The following DOCK4 variants were observed in gnomAD, a reference collection of about 807,000 sequenced individuals.
DOCK4 encodes the protein dedicator of cytokinesis protein 4.
Under a neutral mutation model 268.1 loss-of-function variants are expected in DOCK4, and 97 were observed. That is an observed-to-expected ratio of 0.36 (90% CI 0.31 to 0.43). The LOEUF is 0.43. DOCK4 is among the 20% of genes least tolerant of loss of function. The pLI, the probability that DOCK4 is intolerant of heterozygous loss-of-function variation, is 1.00. For missense variants in DOCK4, 2,145 were observed against 2,455.7 expected, an observed-to-expected ratio of 0.87 and a Z score of 2.67; for synonymous variants, 954 against 887.2, an observed-to-expected ratio of 1.08 and a Z score of -1.34.
At chr7:112,168,372 T>C (rs1817785257) in intron 1 of DOCK4, among the ~76,000 whole-genome samples, 1 of 152,196 alleles carries the variant, frequency 6.6e-6, no homozygotes, top group African/African-American at 2.4e-5. Context: ...AGTCTCAAAG[T>C]CACTCCTTTT....
intron 2 of DOCK4, among the ~76,000 whole-genome samples, chr7:112,000,773 T>C (rs1432329519): frequency 6.6e-6 from 1 of 152,136 alleles, no homozygotes; most frequent in African/African-American, 2.4e-5. Flanking sequence ...AACAGAAAAA[T>C]ACATAATGTG....
chr7:111,861,693 C>T (rs1482966854), intron 23 of DOCK4, among the ~76,000 whole-genome samples: 1 of 148,006 alleles, frequency 6.8e-6, no homozygotes, highest in African/African-American at 2.5e-5. Flanking sequence ...TTGCAGTGAG[C>T]TAAGATCATG....
chr7:112,056,078 A>T (rs1805789702), intron 1 of DOCK4, among the ~76,000 whole-genome samples: 1 of 152,158 alleles, frequency 6.6e-6, no homozygotes, highest in African/African-American at 2.4e-5. Context: ...GTGCTTTGCA[A>T]GCCTTGATAG....
At chr7:112,030,900 C>T (rs1021968780) in intron 1 of DOCK4, among the ~76,000 whole-genome samples, 9 of 152,208 alleles carry the variant, frequency 5.9e-5, no homozygotes, top group African/African-American at 2.2e-4. Flanking sequence ...CAATCTATGG[C>T]AAATACTCAG....
intron 12 of DOCK4, among the ~76,000 whole-genome samples, chr7:111,933,215 T>A (rs1382692491): frequency 6.9e-6 from 1 of 145,204 alleles, no homozygotes; most frequent in Non-Finnish European, 1.5e-5. Context: ...TATATACACA[T>A]ATATACGTAT....
At chr7:112,075,303 G>C (rs1042173484) in intron 1 of DOCK4, among the ~76,000 whole-genome samples, 1 of 152,156 alleles carries the variant, frequency 6.6e-6, no homozygotes, top group African/African-American at 2.4e-5. Context: ...CAAGACTGGA[G>C]GAGGGACTTT....
At chr7:111,883,533 C>G (rs529958589) in intron 16 of DOCK4, among the ~76,000 whole-genome samples, 24 of 152,260 alleles carry the variant, frequency 1.6e-4, no homozygotes, top group East Asian at 7.7e-4. Context: ...CTCTCCTCCC[C>G]CTAACTGCCT....
At chr7:111,959,950 G>T (rs1586499836) in intron 8 of DOCK4, among the ~76,000 whole-genome samples, 1 of 152,116 alleles carries the variant, frequency 6.6e-6, no homozygotes, top group Non-Finnish European at 1.5e-5. Flanking sequence ...TCTCCCATTG[G>T]TGCGGCCATC....
At position 111,732,036 on chromosome 7, in the gene DOCK4, G is replaced by C. The variant is rs1236936807; in HGVS notation, c.5481+190C>G. 2.6e-5 allele frequency among the ~76,000 whole-genome samples: 4 copies of C among 152,344 alleles called. No homozygotes were observed. The East Asian group carries it at 7.7e-4, about 29-fold the overall frequency. On this transcript the variant is annotated intron_variant, in intron 52 of 52. Transcript: ENST00000428084. Reference sequence around the variant, plus strand: ...TAATAATCGAAAAACAAATGGCTGCGTTTGTGCAGGAGGCACCCAGAAGGG... The same window carrying C: ...TAATAATCGAAAAACAAATGGCTGCCTTTGTGCAGGAGGCACCCAGAAGGG...
intron 1 of DOCK4, among the ~76,000 whole-genome samples, chr7:112,170,203 C>T (rs1482470337): frequency 1.3e-5 from 2 of 152,032 alleles, no homozygotes; most frequent in African/African-American, 2.4e-5. Flanking sequence ...GTAATCCCAG[C>T]GCTTTGGGAG....
intron 16 of DOCK4, among the ~76,000 whole-genome samples, chr7:111,882,845 G>A (rs1273874013): frequency 1.3e-5 from 2 of 152,114 alleles, no homozygotes; most frequent in Non-Finnish European, 2.9e-5. Flanking sequence ...CTGACCTCAG[G>A]TGATCCGCCT....
chr7:111,739,382 ACTCTGGCACTGAC>A lies in DOCK4; in HGVS notation c.5122+1_5122+13del. 1 of 1,591,986 alleles carries A rather than the reference ACTCTGGCACTGAC, an allele frequency of 6.3e-7. No individual in the cohort carries two copies. Among genetic ancestry groups the A allele is most frequent in the Non-Finnish European group, 8.6e-7 (1 of 1,169,018 alleles). On this transcript the variant is annotated splice_donor_variant and splice_donor_5th_base_variant and intron_variant, in intron 48 of 52. Coordinates refer to ENST00000428084, the MANE Select transcript of DOCK4 (RefSeq NM_001363540.2). LOFTEE classifies it high-confidence loss of function. ...TCTGGGCACCCTCAGTCTTCCCCAC[ACTCTGGCACTGAC>A]CTCTGGCACTCGATGGAGCAGAACT...
intron 52 of DOCK4, among the ~76,000 whole-genome samples, chr7:111,731,454 A>G (rs1795077239): frequency 1.3e-5 from 2 of 152,148 alleles, no homozygotes; most frequent in South Asian, 4.1e-4. Context: ...CATTCTTTCG[A>G]CACACTTCAT....
intron 44 of DOCK4, among the ~76,000 whole-genome samples, chr7:111,743,387 C>G (rs1413043789): frequency 1.3e-5 from 2 of 152,202 alleles, no homozygotes; most frequent in African/African-American, 4.8e-5. Flanking sequence ...CATCCAGCAC[C>G]TTCCCTAAGG....
intron 16 of DOCK4, among the ~76,000 whole-genome samples, chr7:111,882,763 C>A (rs1807509286): frequency 6.6e-6 from 1 of 152,102 alleles, no homozygotes; most frequent in Non-Finnish European, 1.5e-5. Context: ...CATGCATGCA[C>A]CACCATGCCC....
At chr7:111,888,981 A>G (rs7805344) in intron 16 of DOCK4, among the ~76,000 whole-genome samples, 28,611 of 151,980 alleles carry the variant, frequency 0.19, 2,792 homozygotes, top group African/African-American at 0.22. Context: ...TCTCAGCAGA[A>G]GCAAGTCAGG....
intron 5 of DOCK4, 39 bp downstream of exon 5, chr7:111,994,096 C>T (rs1329129447): frequency 7.3e-7 from 1 of 1,376,568 alleles, no homozygotes; most frequent in Non-Finnish European, 1.0e-6. Context: ...TAAAACAATT[C>T]TTTACCCGAA....
At chr7:111,995,156 C>T (rs1317647133) in intron 4 of DOCK4, among the ~76,000 whole-genome samples, 4 of 151,770 alleles carry the variant, frequency 2.6e-5, no homozygotes, top group African/African-American at 7.3e-5. Context: ...CTTGGCCTCC[C>T]GAGTAGCTGG....
At chr7:111,867,644 A>G (rs1366618211) in intron 22 of DOCK4, among the ~76,000 whole-genome samples, 1 of 152,186 alleles carries the variant, frequency 6.6e-6, no homozygotes, top group Admixed American at 6.5e-5. Flanking sequence ...CTTGGGGAAA[A>G]GAACTGCAAG....
Sources: allele counts gnomAD v4.1 joint callset (sites outside exome capture counted in the v4.1 genomes callset), GRCh38; gene constraint gnomAD v4.1.1; transcripts MANE v1.5; gene names NCBI Gene and HGNC (gene_info 2026-07-23, HGNC 2026-07-21).